Variants in UPF2 observed in about 807,000 individuals in gnomAD.
UPF2 encodes UPF2 regulator of nonsense mediated mRNA decay, also known as regulator of nonsense transcripts 2.
A neutral mutation model predicts 141.4 loss-of-function variants in UPF2; 17 were observed. That is an observed-to-expected ratio of 0.12 (90% CI 0.08 to 0.18). UPF2 has a LOEUF of 0.18. UPF2 is among the 10% of genes least tolerant of loss of function. UPF2 has a pLI of 1.00. For missense variants in UPF2, 1,152 were observed against 1,515.9 expected, an observed-to-expected ratio of 0.76 and a Z score of 3.99; for synonymous variants, 540 against 498.0, an observed-to-expected ratio of 1.08 and a Z score of -1.12.
chr10:11,991,629 GA>G (rs894357206), intron 8 of UPF2, among the ~76,000 whole-genome samples: 15 of 146,094 alleles, frequency 1.0e-4, no homozygotes, highest in African/African-American at 2.3e-4. Context: ...TTTAAGAGAG[GA>G]AAAAAAAAAG....
At chr10:11,983,969 G>A (rs1471997775) in intron 8 of UPF2, among the ~76,000 whole-genome samples, 4 of 151,854 alleles carry the variant, frequency 2.6e-5, no homozygotes, top group Non-Finnish European at 4.4e-5. Context: ...CGTTGCCCAG[G>A]CTGGAGTGCA....
At position 12,028,976 on chromosome 10, in the gene UPF2, A is replaced by G. The variant is rs146844228; in HGVS notation, c.914T>C (p.Val305Ala). The G allele has an allele frequency of 6.2e-7, 1 of 1,614,196 alleles. No individual in the cohort carries two copies. Among genetic ancestry groups the G allele is most frequent in the Non-Finnish European group, 8.5e-7 (1 of 1,180,032 alleles). The change falls in exon 3 of 22, where the codon GTC (valine) becomes GCC (alanine). Residue 305 changes from valine (V) to alanine (A), a missense_variant. Around this residue, in one of 4 missense-constraint regions of UPF2, gnomAD observed 739 missense variants for 1,032.2 expected, o/e 0.72. Transcript: ENST00000357604. The part of the protein sequence containing the change: ...INADRESHTH[V>A]SVVISFCRHC... ...TCGACAGAAACTAATCACTACAGAG[A>G]CATGAGTGTGGGACTCCCGATCAGC...
chr10:11,943,547 T>G (rs1832963277), intron 16 of UPF2, among the ~76,000 whole-genome samples: 1 of 152,180 alleles, frequency 6.6e-6, no homozygotes, highest in Non-Finnish European at 1.5e-5. Context: ...CAACAAAAGT[T>G]CAAATGTAAC....
chr10:11,955,068 A>G (rs1191956980), intron 14 of UPF2, among the ~76,000 whole-genome samples, 164 bp downstream of exon 14: 1 of 152,080 alleles, frequency 6.6e-6, no homozygotes, highest in African/African-American at 2.4e-5. Context: ...AGAATCCATC[A>G]TATATCTTTA....
chr10:11,979,387 G>GCA lies in UPF2; in HGVS notation c.1845-224_1845-223dup, dbSNP rs531728426. Among the ~76,000 whole-genome samples the GCA allele has an allele frequency of 6.6e-6, 1 of 152,076 alleles. No individual in the cohort carries two copies. The highest frequency in any genetic ancestry group is 2.1e-4 in the South Asian group (1 of 4,826). On this transcript the variant is annotated intron_variant, in intron 8 of 21. Transcript: ENST00000357604. This position sits in a 1 kb window ranked among gnomAD's most constrained non-coding sequence, Gnocchi z 6.2. ...GCATTTTCCATTCCGTGAATTTACT[G>GCA]CACATCTGTAGTTTTATTATGTAAT... is the stretch of plus-strand genomic sequence containing the variant.
chr10:12,016,761 G>A lies in UPF2; in HGVS notation c.1146-2577C>T, dbSNP rs927003943. Reference sequence around the variant, plus strand: ...TGTAGGGCCGGGCACGGTGGTTCACGCCTATAATCCCAGCACTTTGGGAGG... The same window carrying A: ...TGTAGGGCCGGGCACGGTGGTTCACACCTATAATCCCAGCACTTTGGGAGG... On this transcript the variant is annotated intron_variant, in intron 3 of 21. Coordinates refer to ENST00000357604, the MANE Select transcript of UPF2 (RefSeq NM_015542.4). The surrounding 1 kb of genome is among the most constrained non-coding windows in gnomAD (Gnocchi z 4.1). Among the ~76,000 whole-genome samples the A allele has an allele frequency of 2.0e-5, 3 of 152,094 alleles. No homozygotes were observed. Among genetic ancestry groups the A allele is most frequent in the African/African-American group, 2.4e-5 (1 of 41,506 alleles).
chr10:12,034,750 A>G (rs899298587), intron 2 of UPF2, among the ~76,000 whole-genome samples: 1 of 152,150 alleles, frequency 6.6e-6, no homozygotes. Context: ...GGTTGGAGTG[A>G]GCCAAGATGG....
chr10:11,928,484 C>A lies in UPF2; in HGVS notation c.3809+1381G>T, dbSNP rs374582003. On this transcript the variant is annotated intron_variant, in intron 21 of 21. Coordinates refer to ENST00000357604, the MANE Select transcript of UPF2 (RefSeq NM_015542.4). Reference sequence around the variant, plus strand: ...CAACACTTTGGGAGGCCGAGGCGGGCGGATCACGAGGTCAGGAGATCGAGA... The same window carrying A: ...CAACACTTTGGGAGGCCGAGGCGGGAGGATCACGAGGTCAGGAGATCGAGA... Among the ~76,000 whole-genome samples, 4 of 151,430 alleles carry A rather than the reference C, an allele frequency of 2.6e-5. No homozygotes were observed. In the East Asian group the frequency reaches 7.9e-4, roughly 30 times the overall value.
At chr10:11,982,921 T>C (rs1255014088) in intron 8 of UPF2, among the ~76,000 whole-genome samples, 3 of 152,188 alleles carry the variant, frequency 2.0e-5, no homozygotes, top group Admixed American at 6.6e-5. Flanking sequence ...TGCCCAGGCC[T>C]ACCTGCACTA....
chr10:11,991,726 T>C (rs1833783711), intron 8 of UPF2, among the ~76,000 whole-genome samples: 1 of 152,142 alleles, frequency 6.6e-6, no homozygotes, highest in South Asian at 2.1e-4. Context: ...GGTTAAAAGG[T>C]ATGAGCTGTG....
At chr10:11,963,861 C>G in intron 11 of UPF2, 148 bp downstream of exon 11, 1 of 563,208 alleles carries the variant, frequency 1.8e-6, no homozygotes, top group South Asian at 3.0e-5. Context: ...GGGATTGCAA[C>G]TCATATGTAT....
In UPF2 at chr10:11,921,422, G is replaced by T; in HGVS notation, c.3810-115C>A. The stretch of plus-strand genomic sequence containing the variant: ...CAAGTCACTCCCCCAAGTTACAGGT[G>T]GCCCTGGCATCTGCGGGTTCCACAT... On this transcript the variant is annotated intron_variant, in intron 21 of 21. Coordinates refer to ENST00000357604, the MANE Select transcript of UPF2 (RefSeq NM_015542.4). This position sits in a 1 kb window ranked among gnomAD's most constrained non-coding sequence, Gnocchi z 5.9. The T allele has an allele frequency of 7.5e-7, 1 of 1,339,220 alleles. No homozygotes were observed. 83.0% of individuals were successfully genotyped at this position (1,339,220 alleles called of 1,614,324 possible). A position where few individuals can be genotyped will look rare whatever the true frequency, so the allele number is the denominator to read the frequency against.
At chr10:11,922,243 C>T (rs951617949) in intron 21 of UPF2, among the ~76,000 whole-genome samples, 3 of 152,202 alleles carry the variant, frequency 2.0e-5, no homozygotes, top group Non-Finnish European at 4.4e-5. Context: ...TGCGAGACAA[C>T]AGACATCTGT....
chr10:11,968,498 A>G (rs981772291), intron 9 of UPF2, among the ~76,000 whole-genome samples: 1 of 152,216 alleles, frequency 6.6e-6, no homozygotes, highest in Non-Finnish European at 1.5e-5. Context: ...GTGCTCACCT[A>G]AGCAAAACTG....
intron 11 of UPF2, among the ~76,000 whole-genome samples, chr10:11,960,920 T>C (rs530085399): frequency 1.3e-5 from 2 of 152,014 alleles, no homozygotes. Context: ...AGTGAGACCC[T>C]GTCTCTATAA....
In UPF2 at chr10:11,936,959, A is replaced by C. The variant is rs1243558144; in HGVS notation, c.3379-247T>G. On this transcript the variant is annotated intron_variant, in intron 18 of 21. Transcript: ENST00000357604. The surrounding 1 kb of genome is among the most constrained non-coding windows in gnomAD (Gnocchi z 6.6). ...GAAATGCAGGACTTGGCTGCTGTTG[A>C]CTGCTCCAGCCTCTCCCAAGCACGC... Among the ~76,000 whole-genome samples the C allele has an allele frequency of 1.3e-5, 2 of 152,210 alleles. No individual in the cohort carries two copies. The highest frequency in any genetic ancestry group is 2.9e-5 in the Non-Finnish European group (2 of 68,032).
intron 9 of UPF2, among the ~76,000 whole-genome samples, chr10:11,971,181 C>T (rs1286666671): frequency 1.3e-5 from 2 of 151,834 alleles, no homozygotes; most frequent in East Asian, 1.9e-4. Context: ...AAACTGAAGG[C>T]GTTTTAAAAG....
chr10:11,956,618 T>C lies in UPF2; in HGVS notation c.2371-95A>G, dbSNP rs1420085107. 7.1e-6 allele frequency: 8 copies of C among 1,129,996 alleles called. No individual in the cohort carries two copies. Among genetic ancestry groups the C allele is most frequent in the Non-Finnish European group, 1.0e-5 (8 of 784,470 alleles). 70.0% of individuals were successfully genotyped at this position (1,129,996 alleles called of 1,614,324 possible). A position where few individuals can be genotyped will look rare whatever the true frequency, so the allele number is the denominator to read the frequency against. ...TTTTGCTATGATTGCGCAGAGAACTTTTGAAATAGAAAATACATTAGAAAT... is the reference window on the plus strand; with the variant it reads ...TTTTGCTATGATTGCGCAGAGAACTCTTGAAATAGAAAATACATTAGAAAT... On this transcript the variant is annotated intron_variant, in intron 12 of 21. Transcript: ENST00000357604. This position sits in a 1 kb window ranked among gnomAD's most constrained non-coding sequence, Gnocchi z 4.2.
rs1303376380 is a variant in UPF2, at chr10:11,972,376, ACT to A, written c.1954-4924_1954-4923del. ...AAGTAAATTTGCCTTGACATAGAAA[ACT>A]CTCTTTTTTTTATTATTATTATACT... On this transcript the variant is annotated intron_variant, in intron 9 of 21. Transcript: ENST00000357604. Among the ~76,000 whole-genome samples, 3 of 151,854 alleles carry A rather than the reference ACT, an allele frequency of 2.0e-5. No homozygotes were observed. In the East Asian group the frequency reaches 5.8e-4, roughly 29 times the overall value.
Sources: allele counts gnomAD v4.1 joint callset (sites outside exome capture counted in the v4.1 genomes callset), GRCh38; gene constraint gnomAD v4.1.1; regional missense constraint gnomAD v4.1.1; non-coding constraint Gnocchi (gnomAD v3.1); transcripts MANE v1.5; gene names NCBI Gene and HGNC (gene_info 2026-07-23, HGNC 2026-07-21).